Variants in ADGRV1 observed in about 807,000 individuals in gnomAD.
ADGRV1 encodes adhesion G protein-coupled receptor V1.
ADGRV1 carries 359 observed loss-of-function variants against 596.2 expected under a neutral mutation model. That is an observed-to-expected ratio of 0.60 (90% CI 0.55 to 0.66). The LOEUF (loss-of-function observed/expected upper bound fraction) is 0.66. Ranked by LOEUF, ADGRV1 falls within the 30% of genes least tolerant of loss-of-function variation. ADGRV1 has a pLI of 0.00. For missense variants in ADGRV1, 7,274 were observed against 7,575.6 expected (o/e 0.96, Z 1.48); for synonymous variants, 2,681 against 2,679.2 (o/e 1.00, Z -0.02).
chr5:90,940,116 A>G (rs1374823250), intron 83 of ADGRV1, among the ~76,000 whole-genome samples: 1 of 152,206 alleles, frequency 6.6e-6, no homozygotes, highest in Non-Finnish European at 1.5e-5. Context: ...AGCTCCTAGC[A>G]TTTATTGCAG....
intron 47 of ADGRV1, 84 bp from the exon 48 acceptor site, chr5:90,725,465 A>T: frequency 1.2e-6 from 1 of 822,810 alleles, no homozygotes; most frequent in South Asian, 1.6e-5. Flanking sequence ...TGCACTTCAG[A>T]TTTTAACTCA....
chr5:90,694,170 C>A lies in ADGRV1; in HGVS notation c.7414C>A (p.Pro2472Thr). The change falls in exon 33 of 90, where the codon CCA (proline) becomes ACA (threonine). Residue 2472 changes from proline to threonine, a missense_variant. By Grantham distance (38) the Pro-to-Thr change is conservative. This residue lies in a region of ADGRV1 where 3,643 missense variants were observed against 3,809.2 expected (regional missense o/e 0.96). Transcript: ENST00000405460. ...QCFWMTSWIS[P>T]AVNNSDFWTY... ...TTTCTGGATGACATCATGGATCAGC[C>A]CAGCTGTCAACAATTCAGACTTCTG... 6.2e-7 allele frequency: 1 copy of A among 1,613,782 alleles called. No homozygotes were observed. The highest frequency in any genetic ancestry group is 8.5e-7 in the Non-Finnish European group (1 of 1,179,852).
chr5:90,909,281 C>T (rs1476585274), intron 83 of ADGRV1, among the ~76,000 whole-genome samples: 1 of 152,214 alleles, frequency 6.6e-6, no homozygotes, highest in Non-Finnish European at 1.5e-5. Flanking sequence ...TAAAGTGGAT[C>T]TCCTGATTCC....
chr5:90,837,325 G>A (rs182507799), intron 77 of ADGRV1, among the ~76,000 whole-genome samples: 10 of 150,782 alleles, frequency 6.6e-5, no homozygotes, highest in East Asian at 3.9e-4. Flanking sequence ...TTATTTTCAC[G>A]TTGCCTATTC....
intron 86 of ADGRV1, among the ~76,000 whole-genome samples, chr5:91,074,203 G>A (rs1788645003): frequency 6.6e-6 from 1 of 152,088 alleles, no homozygotes; most frequent in Non-Finnish European, 1.5e-5. Flanking sequence ...AGAGGTATAT[G>A]TGCATGTTTA....
rs73772483 is a variant in ADGRV1, at chr5:90,739,806, A to G, written c.10550-5240A>G. 3.2e-3 allele frequency among the ~76,000 whole-genome samples: 494 copies of G among 152,326 alleles called. 1 individual carries two copies. The highest frequency in any genetic ancestry group is 0.012 in the African/African-American group (479 of 41,580). ...CTCAGGGTAGGCAGGACTGCAGGCT[A>G]TGCTGCATAGATATGCATGGACATG... On this transcript the variant is annotated intron_variant, in intron 50 of 89. Transcript: ENST00000405460.
At chr5:91,005,380 T>G (rs199939805) in intron 85 of ADGRV1, among the ~76,000 whole-genome samples, 3 of 114,854 alleles carry the variant, frequency 2.6e-5, no homozygotes, top group African/African-American at 1.2e-4. Flanking sequence ...ATATATATAT[T>G]TTTTTGAAGT....
At chr5:90,839,776 T>G (rs1224487463) in intron 77 of ADGRV1, among the ~76,000 whole-genome samples, 2 of 152,216 alleles carry the variant, frequency 1.3e-5, no homozygotes, top group African/African-American at 4.8e-5. Flanking sequence ...TACTTTTATT[T>G]TTCTTCATAG....
chr5:90,614,967 G>T lies in ADGRV1; in HGVS notation c.155G>T (p.Arg52Leu). The T allele has an allele frequency of 6.4e-7, 1 of 1,562,392 alleles. No individual in the cohort carries two copies. Among genetic ancestry groups the T allele is most frequent in the Non-Finnish European group, 8.7e-7 (1 of 1,150,550 alleles). Residue 52 changes from arginine to leucine, a missense_variant, in exon 2 of 90, where the codon CGT becomes CTT. Arg to Leu is a moderately radical substitution (Grantham distance 102, BLOSUM62 -2). This residue lies in a region of ADGRV1 where 1,715 missense variants were observed against 1,708.8 expected (regional missense o/e 1.00). Coordinates refer to ENST00000405460, the MANE Select transcript of ADGRV1 (RefSeq NM_032119.4). Reference sequence around the variant, plus strand: ...AATGAAACAAGTACAACAGTTATTCGTCTTATCATTGAAAGGATAGGAGAG... The same window carrying T: ...AATGAAACAAGTACAACAGTTATTCTTCTTATCATTGAAAGGATAGGAGAG... Reference protein sequence around the residue: ...VVNETSTTVIRLIIERIGEPA... With the variant: ...VVNETSTTVILLIIERIGEPA...
chr5:90,686,421 G>A (rs1745656389), intron 29 of ADGRV1, among the ~76,000 whole-genome samples: 1 of 151,906 alleles, frequency 6.6e-6, no homozygotes, highest in Non-Finnish European at 1.5e-5. Context: ...GTGTCCATGT[G>A]TTCTCATTGT....
chr5:90,564,816 C>A (rs1323191725), intron 1 of ADGRV1, among the ~76,000 whole-genome samples: 2,021 of 43,700 alleles, frequency 0.046, 5 homozygotes, highest in South Asian at 0.052. Context: ...TTAGTAGAGA[C>A]GGGGTTTCAC....
chr5:91,122,781 TTTTCTC>T (rs1793434219), intron 87 of ADGRV1, among the ~76,000 whole-genome samples: 1 of 152,196 alleles, frequency 6.6e-6, no homozygotes, highest in Admixed American at 6.5e-5. Context: ...CTGCCAATGT[TTTTCTC>T]TTTCTCTTGC....
chr5:90,752,732 A>G (rs35405749), intron 53 of ADGRV1, among the ~76,000 whole-genome samples: 3,304 of 152,330 alleles, frequency 0.022, 110 homozygotes, highest in African/African-American at 0.075. Context: ...TCATTCTATG[A>G]TAAATACACA....
chr5:90,925,328 C>T (rs563017188), intron 83 of ADGRV1, among the ~76,000 whole-genome samples: 2 of 150,950 alleles, frequency 1.3e-5, no homozygotes, highest in South Asian at 2.1e-4. Context: ...TTGTAGTTCT[C>T]CTTGAAGAGG....
intron 83 of ADGRV1, among the ~76,000 whole-genome samples, chr5:90,900,947 A>ATT (rs75371831): frequency 0.21 from 32,141 of 151,954 alleles, 5,623 homozygotes; most frequent in African/African-American, 0.48. Flanking sequence ...TTGTTTTCAG[A>ATT]TTTTTTCCCC....
At chr5:90,788,892 A>ACACT (rs1554116872) in intron 68 of ADGRV1, among the ~76,000 whole-genome samples, 1 of 147,104 alleles carries the variant, frequency 6.8e-6, no homozygotes, top group African/African-American at 2.5e-5. Context: ...ACACACACAC[A>ACACT]CTCACACACA....
chr5:90,692,654 T>G lies in ADGRV1; in HGVS notation c.7001T>G (p.Leu2334Ter). The G allele has an allele frequency of 6.2e-7, 1 of 1,611,718 alleles. No homozygotes were observed. The highest frequency in any genetic ancestry group is 8.5e-7 in the Non-Finnish European group (1 of 1,178,944). ...TDASGGGTIG[L>*]DRIANIIIPA... Reference sequence around the variant, plus strand: ...GCCTCTGGTGGAGGTACTATTGGGTTAGATCGAATTGCAAATATTATTATT... The same window carrying G: ...GCCTCTGGTGGAGGTACTATTGGGTGAGATCGAATTGCAAATATTATTATT... Residue 2334 changes from leucine to a stop codon, truncating the protein, a stop_gained, in exon 32 of 90, where the codon TTA (leucine) becomes TGA (stop). Coordinates refer to ENST00000405460, the MANE Select transcript of ADGRV1 (RefSeq NM_032119.4). LOFTEE classifies it high-confidence loss of function.
At chr5:91,112,104 T>A (rs1397580356) in intron 87 of ADGRV1, among the ~76,000 whole-genome samples, 4 of 152,248 alleles carry the variant, frequency 2.6e-5, no homozygotes, top group African/African-American at 4.8e-5. Context: ...GCCTGTTGAT[T>A]GACCAGGCAT....
At position 90,629,301 on chromosome 5, in the gene ADGRV1, A is replaced by C. The variant is rs1241515554; in HGVS notation, c.1601A>C (p.Glu534Ala). ...ENQKIESSPG[E>A]RYLSLSFTRL... ...CAGAAGATTGAAAGCAGCCCAGGTG[A>C]ACGATACTTATCCTTGAGTTTTACA... The change falls in exon 9 of 90, where the codon GAA (glutamate) becomes GCA (alanine). Residue 534 changes from glutamate (E) to alanine (A), a missense_variant. Physicochemically the swap from Glu to Ala is moderately radical, Grantham distance 107. Coordinates refer to ENST00000405460, the MANE Select transcript of ADGRV1 (RefSeq NM_032119.4). 1.2e-6 allele frequency: 2 copies of C among 1,613,598 alleles called. No homozygotes were observed. Among genetic ancestry groups the C allele is most frequent in the South Asian group, 1.1e-5 (1 of 91,044 alleles).
Sources: gnomAD v4.1 joint callset for allele counts (sites outside exome capture counted in the v4.1 genomes callset) on GRCh38, gnomAD v4.1.1 for gene constraint, gnomAD v4.1.1 regional missense constraint, MANE v1.5 for transcripts, NCBI Gene and HGNC (gene_info 2026-07-23, HGNC 2026-07-21) for gene names.